Variants in EYS observed in about 807,000 individuals in gnomAD.
EYS encodes the protein EGF-like photoreceptor maintenance factor.
In EYS, 250 loss-of-function variants were observed where a neutral mutation model predicts 282.1. The observed-to-expected ratio is 0.89, with a 90% CI of 0.80 to 0.98. The LOEUF is 0.98. Ranked by LOEUF, EYS falls within the 50% of genes least tolerant of loss-of-function variation. The probability of loss-of-function intolerance (pLI) is 0.00; values close to 1 mark genes in which losing one functional copy is unlikely to be tolerated. For synonymous variants in EYS, 1,355 were observed against 1,282.9 expected, an observed-to-expected ratio of 1.06 and a Z score of -1.20; for missense variants, 4,016 against 3,709.0, an observed-to-expected ratio of 1.08 and a Z score of -2.15.
At chr6:64,112,788 C>CA (rs1159174250) in intron 31 of EYS, among the ~76,000 whole-genome samples, 2 of 147,618 alleles carry the variant, frequency 1.4e-5, no homozygotes, top group African/African-American at 5.0e-5. Context: ...TAATATATAT[C>CA]TATAATATCT....
intron 30 of EYS, among the ~76,000 whole-genome samples, chr6:64,301,874 TG>T (rs1295115994): frequency 6.6e-6 from 1 of 152,178 alleles, no homozygotes; most frequent in African/African-American, 2.4e-5. Flanking sequence ...TCCATTGTTC[TG>T]GGTTTACTAG....
At chr6:64,981,030 T>C (rs150411062) in intron 14 of EYS, among the ~76,000 whole-genome samples, 6 of 151,452 alleles carry the variant, frequency 4.0e-5, no homozygotes, top group African/African-American at 1.4e-4. Flanking sequence ...AAAATTCACT[T>C]AGAAAAGGTT....
rs960907045 is a variant in EYS, at chr6:64,285,932, G to A, written c.6191+21038C>T. ...TGGGAATTATGGGAGTACAATTCAA[G>A]ATGAGATTTGGGTGGGGACACAGAG... On this transcript the variant is annotated intron_variant, in intron 30 of 42. Transcript: ENST00000503581. Among the ~76,000 whole-genome samples, 3 of 152,162 alleles carry A rather than the reference G, an allele frequency of 2.0e-5. No homozygotes were observed. In the South Asian group the frequency reaches 6.2e-4, roughly 32 times the overall value.
At chr6:65,626,094 C>T (rs1184610185) in intron 2 of EYS, among the ~76,000 whole-genome samples, 1 of 152,114 alleles carries the variant, frequency 6.6e-6, no homozygotes, top group Non-Finnish European at 1.5e-5. Flanking sequence ...TGTATAGTCT[C>T]TTAGTCCCTA....
chr6:64,257,326 C>G (rs1301161779), intron 30 of EYS, among the ~76,000 whole-genome samples: 1 of 152,020 alleles, frequency 6.6e-6, no homozygotes, highest in Non-Finnish European at 1.5e-5. Context: ...TCACTGTCCA[C>G]AGAATTTCTC....
At chr6:64,316,278 G>A (rs1199707836) in intron 29 of EYS, among the ~76,000 whole-genome samples, 2 of 152,108 alleles carry the variant, frequency 1.3e-5, no homozygotes, top group African/African-American at 4.8e-5. Context: ...GAGTCAAATT[G>A]TCTCTGTTTG....
At chr6:63,790,229 ATGCTT>A (rs1770475595) in intron 37 of EYS, among the ~76,000 whole-genome samples, 1 of 152,178 alleles carries the variant, frequency 6.6e-6, no homozygotes, top group Non-Finnish European at 1.5e-5. Flanking sequence ...TATAGGAATG[ATGCTT>A]TGTCTGTTGA....
chr6:64,023,443 G>C (rs184033582), intron 33 of EYS, among the ~76,000 whole-genome samples: 443 of 152,336 alleles, frequency 2.9e-3, no homozygotes, highest in Non-Finnish European at 4.7e-3. Context: ...CATTTGTAGT[G>C]TACCATTTTA....
chr6:65,633,417 A>G (rs775832182), intron 2 of EYS, among the ~76,000 whole-genome samples: 34 of 152,254 alleles, frequency 2.2e-4, no homozygotes, highest in Non-Finnish European at 3.5e-4. Context: ...TGTGAATACC[A>G]GAGAGTTTTC....
chr6:64,994,110 C>A (rs1771168788), intron 14 of EYS, among the ~76,000 whole-genome samples: 1 of 151,784 alleles, frequency 6.6e-6, no homozygotes, highest in Non-Finnish European at 1.5e-5. Context: ...AATAGTTATT[C>A]TCAAATATAC....
intron 37 of EYS, 88 bp downstream of exon 37, chr6:63,806,102 T>A: frequency 2.5e-6 from 3 of 1,197,078 alleles, no homozygotes; most frequent in Non-Finnish European, 3.5e-6. Flanking sequence ...GTCTTTTTTT[T>A]ACCACAGCCA....
At chr6:64,870,339 A>T (rs1766552369) in intron 19 of EYS, among the ~76,000 whole-genome samples, 2 of 151,644 alleles carry the variant, frequency 1.3e-5, no homozygotes, top group South Asian at 2.1e-4. Flanking sequence ...GAAGTTTACA[A>T]CTTAGGGTGA....
intron 28 of EYS, among the ~76,000 whole-genome samples, chr6:64,389,921 G>A (rs550767436): frequency 4.8e-4 from 73 of 151,888 alleles, no homozygotes; most frequent in Admixed American, 3.4e-3. Flanking sequence ...TGTGCACACC[G>A]TGCGCCAGCC....
intron 22 of EYS, among the ~76,000 whole-genome samples, chr6:64,745,417 A>G (rs1772522999): frequency 6.6e-6 from 1 of 152,170 alleles, no homozygotes; most frequent in Non-Finnish European, 1.5e-5. Context: ...TTAAAGTGAA[A>G]TTTATATAAC....
chr6:64,202,189 T>C (rs912888644), intron 31 of EYS, among the ~76,000 whole-genome samples: 2 of 152,220 alleles, frequency 1.3e-5, no homozygotes. Context: ...GTCTGCTCCA[T>C]GTGCTTTCCT....
chr6:64,375,439 T>G (rs76730376), intron 29 of EYS, among the ~76,000 whole-genome samples: 4,755 of 152,306 alleles, frequency 0.031, 235 homozygotes, highest in African/African-American at 0.11. Context: ...TTTTCCAGAC[T>G]AAATGAAAGG....
intron 2 of EYS, among the ~76,000 whole-genome samples, chr6:65,593,524 G>A (rs1048032491): frequency 3.3e-5 from 5 of 151,988 alleles, no homozygotes; most frequent in African/African-American, 1.2e-4. Context: ...GAACATTTAA[G>A]TTATAATTGG....
Position 63,806,175 on chromosome 6 carries a change from T to C in EYS, c.7411+15A>G, listed in dbSNP as rs1770903715. 6.5e-7 allele frequency: 1 copy of C among 1,547,998 alleles called. No individual in the cohort carries two copies. The highest frequency in any genetic ancestry group is 1.4e-5 in the African/African-American group (1 of 73,056). On this transcript the variant is annotated intron_variant, in intron 37 of 42. Coordinates refer to ENST00000503581, the MANE Select transcript of EYS (RefSeq NM_001142800.2). Reference sequence around the variant, plus strand: ...AAGGAGCGAGGCAAGTCCTAGAGGGTTCAGTTAATCTTACCATGGCCTTTC... The same window carrying C: ...AAGGAGCGAGGCAAGTCCTAGAGGGCTCAGTTAATCTTACCATGGCCTTTC...
At chr6:65,213,169 A>C (rs1766216832) in intron 12 of EYS, among the ~76,000 whole-genome samples, 1 of 152,160 alleles carries the variant, frequency 6.6e-6, no homozygotes, top group Admixed American at 6.5e-5. Flanking sequence ...GACATTACTT[A>C]AAATAGAATT....
Sources: allele counts gnomAD v4.1 joint callset (sites outside exome capture counted in the v4.1 genomes callset), GRCh38; gene constraint gnomAD v4.1.1; transcripts MANE v1.5; gene names NCBI Gene and HGNC (gene_info 2026-07-23, HGNC 2026-07-21).